MVB12B: variants seen among roughly 807,000 people sequenced by gnomAD.
MVB12B encodes multivesicular body subunit 12B.
In MVB12B, 16 loss-of-function variants were observed where a neutral mutation model predicts 41.6. That is an observed-to-expected ratio of 0.38 (90% confidence interval 0.26 to 0.58). The LOEUF (loss-of-function observed/expected upper bound fraction) is 0.58, where lower values mean the gene tolerates loss of function less well. MVB12B is among the 20% of genes least tolerant of loss of function. The probability of loss-of-function intolerance (pLI) is 0.62; values close to 1 mark genes in which losing one functional copy is unlikely to be tolerated. For missense variants in MVB12B, 274 were observed against 380.2 expected (o/e 0.72, Z 2.32); for synonymous variants, 133 against 139.7 (o/e 0.95, Z 0.34).
Position 126,333,188 on chromosome 9 carries a change from G to A in MVB12B, c.81+6178G>A, listed in dbSNP as rs1383045056. ...TGCAACCTCCGCCACCCAGGTTCAA[G>A]TGATTCTTCTGCCTCAGCCTCCCGA... is the stretch of plus-strand genomic sequence containing the variant. On this transcript the variant is annotated intron_variant, in intron 1 of 9. Coordinates refer to ENST00000361171, the MANE Select transcript of MVB12B (RefSeq NM_033446.3). This position sits in a 1 kb window ranked among gnomAD's most constrained non-coding sequence, Gnocchi z 4.7. Among the ~76,000 whole-genome samples, 1 of 152,210 alleles carries A rather than the reference G, an allele frequency of 6.6e-6. No individual in the cohort carries two copies. The highest frequency in any genetic ancestry group is 2.4e-5 in the African/African-American group (1 of 41,442).
Position 126,460,620 on chromosome 9 carries a change from C to T in MVB12B, c.758-20749C>T, listed in dbSNP as rs74843491. On this transcript the variant is annotated intron_variant, in intron 7 of 9. Transcript: ENST00000361171. Reference sequence around the variant, plus strand: ...GGGGTGGGCATCGCCTCTCCCTGACCGGGGTCTGGAGAAGGGAGGGCCAAA... The same window carrying T: ...GGGGTGGGCATCGCCTCTCCCTGACTGGGGTCTGGAGAAGGGAGGGCCAAA... Among the ~76,000 whole-genome samples, 433 of 152,048 alleles carry T rather than the reference C, an allele frequency of 2.8e-3. 2 individuals are homozygous for T. The highest frequency in any genetic ancestry group is 6.8e-3 in the Middle Eastern group (2 of 294).
rs751764812 is a variant in MVB12B, at chr9:126,501,635, G to A, written c.874-1542G>A. ...GGCGCTAGTCTGTGGCCATGGACGT[G>A]GTGCTGGGCTGTGACTTGCTGGCTG... On this transcript the variant is annotated intron_variant, in intron 9 of 9. Transcript: ENST00000361171. 3.0e-4 allele frequency among the ~76,000 whole-genome samples: 46 copies of A among 152,304 alleles called. No homozygotes were observed. The Middle Eastern group carries it at 0.017, about 56-fold the overall frequency.
At position 126,459,585 on chromosome 9, in the gene MVB12B, C is replaced by T. The variant is rs571891093; in HGVS notation, c.758-21784C>T. Among the ~76,000 whole-genome samples the T allele has an allele frequency of 2.1e-4, 32 of 152,244 alleles. No homozygotes were observed. Among genetic ancestry groups the T allele is most frequent in the African/African-American group, 7.7e-4 (32 of 41,542 alleles). On this transcript the variant is annotated intron_variant, in intron 7 of 9. Transcript: ENST00000361171. This position sits in a 1 kb window ranked among gnomAD's most constrained non-coding sequence, Gnocchi z 4.3. ...GCCATTGTGTCTGAGGTCCCAGAGC[C>T]AAAGCCTCGGGAGGCTTGGGGCTAA...
intron 2 of MVB12B, 56 bp from the exon 3 acceptor site, chr9:126,381,008 A>G: frequency 7.0e-7 from 1 of 1,426,944 alleles, no homozygotes; most frequent in Admixed American, 1.7e-5. Flanking sequence ...GCCCACGCGC[A>G]CCTTCAGTTC....
In MVB12B at chr9:126,506,820, C is replaced by T. The variant is rs1297439341; in HGVS notation, c.*3557C>T. Reference sequence around the variant, plus strand: ...CGGCCTCCTCCTGCCACTCTGAGCACATGTCCGGGGGTTGCCACCAGAGAC... The same window carrying T: ...CGGCCTCCTCCTGCCACTCTGAGCATATGTCCGGGGGTTGCCACCAGAGAC... On this transcript the variant is annotated 3_prime_UTR_variant, in exon 10 of 10. Transcript: ENST00000361171. The T allele has an allele frequency of 1.3e-5, 2 of 152,472 alleles. No homozygotes were observed. Among genetic ancestry groups the T allele is most frequent in the Non-Finnish European group, 2.9e-5 (2 of 68,102 alleles). 9.4% of individuals were successfully genotyped at this position (152,472 alleles called of 1,614,324 possible). A position where few individuals can be genotyped will look rare whatever the true frequency, so the allele number is the denominator to read the frequency against.
At chr9:126,413,987 C>A (rs966384473) in intron 6 of MVB12B, among the ~76,000 whole-genome samples, 1 of 152,132 alleles carries the variant, frequency 6.6e-6, no homozygotes, top group Admixed American at 6.5e-5. Flanking sequence ...CTGGGCAGAA[C>A]CATCTTCATT....
chr9:126,442,600 A>G (rs551015908), intron 7 of MVB12B, among the ~76,000 whole-genome samples: 115 of 152,296 alleles, frequency 7.6e-4, no homozygotes, highest in Middle Eastern at 3.4e-3. Context: ...ATGTCACTCA[A>G]GTTCCAATTT....
At chr9:126,352,854 T>C (rs1564286191) in intron 2 of MVB12B, among the ~76,000 whole-genome samples, 1 of 152,222 alleles carries the variant, frequency 6.6e-6, no homozygotes, top group African/African-American at 2.4e-5. Context: ...TTCCAAAACA[T>C]TTATGTTTCA....
In MVB12B at chr9:126,433,519, C is replaced by T. The variant is rs1013475981; in HGVS notation, c.757+11571C>T. Among the ~76,000 whole-genome samples, 6 of 152,218 alleles carry T rather than the reference C, an allele frequency of 3.9e-5. No individual in the cohort carries two copies. The East Asian group carries it at 7.8e-4, about 20-fold the overall frequency. On this transcript the variant is annotated intron_variant, in intron 7 of 9. Coordinates refer to ENST00000361171, the MANE Select transcript of MVB12B (RefSeq NM_033446.3). ...CGTTTCACTTATTGGGTCTGACCCC[C>T]AAGTGTTCTTCTCCCCTACTCTAGC...
chr9:126,483,939 C>T (rs1304050802), intron 8 of MVB12B, 34 bp from the exon 9 acceptor site: 6 of 1,610,470 alleles, frequency 3.7e-6, no homozygotes, highest in South Asian at 3.3e-5. Context: ...CATTTTCCAG[C>T]TATTTAAAAG....
chr9:126,335,498 G>A, intron 1 of MVB12B: 1 of 900,578 alleles, frequency 1.1e-6, no homozygotes, highest in Non-Finnish European at 1.6e-6. Flanking sequence ...CCTCCTTGGG[G>A]ACAGGCAGTC....
At position 126,474,562 on chromosome 9, in the gene MVB12B, C is replaced by T. The variant is rs7047994; in HGVS notation, c.758-6807C>T. 5.1e-3 allele frequency among the ~76,000 whole-genome samples: 770 copies of T among 152,334 alleles called. 12 individuals carry two copies. The highest frequency in any genetic ancestry group is 0.018 in the African/African-American group (742 of 41,572). On this transcript the variant is annotated intron_variant, in intron 7 of 9. Coordinates refer to ENST00000361171, the MANE Select transcript of MVB12B (RefSeq NM_033446.3). ...TCCCACAGATCAGCTTTCTACCCAA[C>T]ACACAAAATCCCTCCCTAGCTCCCC...
intron 7 of MVB12B, among the ~76,000 whole-genome samples, chr9:126,429,339 T>C (rs1263688620): frequency 6.6e-6 from 1 of 152,208 alleles, no homozygotes; most frequent in Non-Finnish European, 1.5e-5. Context: ...TTGTATATCC[T>C]GATGTAAAAG....
chr9:126,496,232 T>C lies in MVB12B; in HGVS notation c.874-6945T>C, dbSNP rs28479455. On this transcript the variant is annotated intron_variant, in intron 9 of 9. Transcript: ENST00000361171. ...ACCCGTCCATCCACCCACCCATCCA[T>C]ACACCCACTTACCCAACCATCCATC... is the stretch of plus-strand genomic sequence containing the variant. Among the ~76,000 whole-genome samples the C allele has an allele frequency of 1.3e-3, 70 of 53,998 alleles. 1 individual carries two copies. Among genetic ancestry groups the C allele is most frequent in the African/African-American group, 5.4e-3 (60 of 11,148 alleles). 35.4% of individuals were successfully genotyped at this position (53,998 alleles called of 152,430 possible).
At chr9:126,424,066 C>A (rs1010910353) in intron 7 of MVB12B, among the ~76,000 whole-genome samples, 1 of 152,204 alleles carries the variant, frequency 6.6e-6, no homozygotes, top group Admixed American at 6.5e-5. Context: ...GCCTTTGGTG[C>A]AGACTCCTGG....
chr9:126,372,197 T>G (rs1413725973), intron 2 of MVB12B, among the ~76,000 whole-genome samples: 1 of 152,270 alleles, frequency 6.6e-6, no homozygotes, highest in Non-Finnish European at 1.5e-5. Context: ...TCTTCTAAGT[T>G]GCATTATGTA....
At chr9:126,420,561 C>CTTTTTTTTTTT (rs567217742) in intron 6 of MVB12B, among the ~76,000 whole-genome samples, 2 of 98,876 alleles carry the variant, frequency 2.0e-5, no homozygotes, top group African/African-American at 9.1e-5. Context: ...TCCCAGGAGT[C>CTTTTTTTTTTT]TTTTTTTTTT....
chr9:126,388,719 G>T (rs1830867329), intron 4 of MVB12B, among the ~76,000 whole-genome samples: 1 of 152,098 alleles, frequency 6.6e-6, no homozygotes, highest in Non-Finnish European at 1.5e-5. Context: ...TTTGATTCTA[G>T]TCATCTTAGT....
chr9:126,396,257 C>G (rs1456011215), intron 6 of MVB12B: 6 of 986,834 alleles, frequency 6.1e-6, no homozygotes, highest in Non-Finnish European at 7.2e-6. Context: ...TGCTCTGCAA[C>G]TGATTTCAGT....
Sources: allele counts gnomAD v4.1 joint callset (sites outside exome capture counted in the v4.1 genomes callset), GRCh38; gene constraint gnomAD v4.1.1; non-coding constraint Gnocchi (gnomAD v3.1); transcripts MANE v1.5; gene names NCBI Gene and HGNC (gene_info 2026-07-23, HGNC 2026-07-21).